Variants in FAM13C observed in about 807,000 individuals in gnomAD.
The protein encoded by FAM13C is family with sequence similarity 13 member C.
Under a neutral mutation model 73.2 loss-of-function variants are expected in FAM13C, and 37 were observed. The observed-to-expected ratio is 0.51, with a 90% CI of 0.39 to 0.67. The LOEUF (loss-of-function observed/expected upper bound fraction) is 0.67, where lower values mean the gene tolerates loss of function less well. FAM13C is among the 30% of genes least tolerant of loss of function. FAM13C has a pLI of 0.00. For synonymous variants in FAM13C, 246 were observed against 260.9 expected (o/e 0.94, Z 0.55); for missense variants, 589 against 715.6 (o/e 0.82, Z 2.02).
chr10:59,262,221 C>T (rs1181048193), intron 10 of FAM13C, among the ~76,000 whole-genome samples: 1 of 152,098 alleles, frequency 6.6e-6, no homozygotes, highest in Non-Finnish European at 1.5e-5. Flanking sequence ...CCTATCAACA[C>T]ACAACACTAT....
intron 8 of FAM13C, among the ~76,000 whole-genome samples, chr10:59,265,552 C>G (rs923766989): frequency 2.6e-5 from 4 of 152,160 alleles, no homozygotes; most frequent in African/African-American, 9.7e-5. Flanking sequence ...TGAGAACACA[C>G]CTTGTTGAAC....
intron 5 of FAM13C, among the ~76,000 whole-genome samples, chr10:59,295,539 G>A (rs905015304): frequency 2.6e-5 from 4 of 152,162 alleles, no homozygotes; most frequent in African/African-American, 9.6e-5. Context: ...TGGGACGGGG[G>A]CTTTTCTCCA....
At chr10:59,352,222 C>T in intron 3 of FAM13C, 48 bp downstream of exon 3, 1 of 1,606,034 alleles carries the variant, frequency 6.2e-7, no homozygotes, top group Non-Finnish European at 8.5e-7. Flanking sequence ...GTGGCCTAGC[C>T]TAAGAATCAC....
rs773481958 is a variant in FAM13C, at chr10:59,262,605, G to A, written c.1065C>T (p.Pro355=). The A allele has an allele frequency of 6.2e-7, 1 of 1,613,706 alleles. No individual in the cohort carries two copies. The highest frequency in any genetic ancestry group is 1.7e-5 in the Admixed American group (1 of 59,968). ...LKLSEEQGSA[P]KGPPRNLLCE... ...ACAACAGGTTTCTAGGTGGACCTTT[G>A]GGAGCACTCCCTTGTTCTTCTGACA... The change falls in exon 10 of 14, where the codon CCC becomes CCT. Residue 355 remains proline (P), a synonymous_variant. Transcript: ENST00000618804.
intron 5 of FAM13C, among the ~76,000 whole-genome samples, chr10:59,284,041 G>A (rs1385937807): frequency 6.6e-6 from 1 of 151,992 alleles, no homozygotes; most frequent in East Asian, 1.9e-4. Flanking sequence ...ATGTGTGTGT[G>A]TGTGTGTGTG....
At chr10:59,273,858 TAGTC>T (rs777250961) in intron 6 of FAM13C, among the ~76,000 whole-genome samples, 15 of 152,290 alleles carry the variant, frequency 9.8e-5, no homozygotes, top group Non-Finnish European at 2.1e-4. Flanking sequence ...TTAAATGAGT[TAGTC>T]AGATTTAAAA....
intron 13 of FAM13C, among the ~76,000 whole-genome samples, chr10:59,250,404 G>T (rs1333204273): frequency 2.0e-5 from 3 of 152,182 alleles, no homozygotes; most frequent in Non-Finnish European, 4.4e-5. Flanking sequence ...CACCAAAAAG[G>T]TAAGTTGGAC....
chr10:59,287,053 A>G lies in FAM13C; in HGVS notation c.508-3606T>C, dbSNP rs1845662343. ...CATCTCAAAAAAAAAAAAAAAAAAA[A>G]AGGCCAGGTGTGGTGGCTCACGCCT... On this transcript the variant is annotated intron_variant, in intron 5 of 13. Transcript: ENST00000618804. 2.9e-5 allele frequency among the ~76,000 whole-genome samples: 4 copies of G among 140,322 alleles called. No individual in the cohort carries two copies. The South Asian group carries it at 9.4e-4, about 33-fold the overall frequency. 92.1% of individuals were successfully genotyped at this position (140,322 alleles called of 152,430 possible). A position where few individuals can be genotyped will look rare whatever the true frequency, so the allele number is the denominator to read the frequency against.
intron 8 of FAM13C, among the ~76,000 whole-genome samples, chr10:59,266,259 G>C (rs781047594): frequency 6.6e-6 from 1 of 152,200 alleles, no homozygotes; most frequent in Non-Finnish European, 1.5e-5. Flanking sequence ...CTTAGCCCAA[G>C]AGTCCAATAA....
chr10:59,270,343 G>A, intron 6 of FAM13C: 1 of 501,608 alleles, frequency 2.0e-6, no homozygotes, highest in South Asian at 2.6e-5. Flanking sequence ...TTTGGTATGA[G>A]TTATACAATC....
At chr10:59,317,206 A>C (rs1849645377) in intron 4 of FAM13C, among the ~76,000 whole-genome samples, 1 of 151,924 alleles carries the variant, frequency 6.6e-6, no homozygotes, top group African/African-American at 2.4e-5. Flanking sequence ...AAATAACTAT[A>C]ACAGAAATAT....
chr10:59,326,801 G>T (rs1271328096), intron 3 of FAM13C, among the ~76,000 whole-genome samples: 1 of 152,148 alleles, frequency 6.6e-6, no homozygotes, highest in East Asian at 1.9e-4. Flanking sequence ...GCCTGAAGCA[G>T]ACACAGACCT....
chr10:59,335,319 T>G (rs192325849), intron 3 of FAM13C, among the ~76,000 whole-genome samples: 3 of 152,228 alleles, frequency 2.0e-5, no homozygotes, highest in African/African-American at 7.2e-5. Flanking sequence ...AGTTTTTATG[T>G]GGACTTGGGA....
chr10:59,258,207 G>C (rs952835579), intron 10 of FAM13C, among the ~76,000 whole-genome samples: 2 of 152,180 alleles, frequency 1.3e-5, no homozygotes, highest in African/African-American at 2.4e-5. Context: ...ACTGGGGCCA[G>C]GTATGGTGGC....
intron 3 of FAM13C, among the ~76,000 whole-genome samples, chr10:59,351,096 G>T (rs1854974711): frequency 6.6e-6 from 1 of 152,062 alleles, no homozygotes; most frequent in Admixed American, 6.6e-5. Flanking sequence ...CGAGCACTTT[G>T]GGAGGCTGAG....
At chr10:59,339,639 T>C (rs1031260949) in intron 3 of FAM13C, among the ~76,000 whole-genome samples, 4 of 152,132 alleles carry the variant, frequency 2.6e-5, no homozygotes, top group African/African-American at 4.8e-5. Context: ...AAAGGCTCCC[T>C]TAGGCACAGT....
chr10:59,262,791 A>G, intron 9 of FAM13C, 146 bp from the exon 10 acceptor site: 1 of 661,426 alleles, frequency 1.5e-6, no homozygotes. Flanking sequence ...GGCAACCCTT[A>G]TAACCAGAGC....
chr10:59,264,166 G>T lies in FAM13C; in HGVS notation c.943C>A (p.Pro315Thr). The T allele has an allele frequency of 6.2e-7, 1 of 1,600,942 alleles. No homozygotes were observed. The highest frequency in any genetic ancestry group is 8.5e-7 in the Non-Finnish European group (1 of 1,171,708). ...EKFEQEKKYR[P>T]SHGDKTSNPE... is the part of the protein sequence containing the mutation. ...TTAGAAGTCTTGTCACCATGTGAAG[G>T]CTACCAAGGGAAGGAAAAAATGGGG... The change falls in exon 9 of 14, where the codon CCT becomes ACT. Residue 315 changes from proline to threonine, a missense_variant and splice_region_variant. Pro to Thr is a conservative substitution (Grantham distance 38, BLOSUM62 -1). Transcript: ENST00000618804.
intron 4 of FAM13C, among the ~76,000 whole-genome samples, chr10:59,309,551 C>G (rs1848685727): frequency 6.6e-6 from 1 of 152,178 alleles, no homozygotes; most frequent in South Asian, 2.1e-4. Context: ...CGCAGGCCTT[C>G]ACATGTGCCT....
Sources: gnomAD v4.1 joint callset for allele counts (sites outside exome capture counted in the v4.1 genomes callset) on GRCh38, gnomAD v4.1.1 for gene constraint, MANE v1.5 for transcripts, NCBI Gene and HGNC (gene_info 2026-07-23, HGNC 2026-07-21) for gene names.